NRXN3: variants seen among roughly 807,000 people sequenced by gnomAD.
NRXN3 encodes the protein neurexin 3.
NRXN3 carries 32 observed loss-of-function variants against 137.6 expected under a neutral mutation model. The ratio of observed to expected loss-of-function variants is 0.23; its 90% CI spans 0.18 to 0.31. The LOEUF (loss-of-function observed/expected upper bound fraction) is 0.31. Ranked by LOEUF, NRXN3 falls within the 10% of genes least tolerant of loss-of-function variation. The probability of loss-of-function intolerance (pLI) is 1.00; values close to 1 mark genes in which losing one functional copy is unlikely to be tolerated. For missense variants in NRXN3, 1,574 were observed against 2,062.5 expected (o/e 0.76, Z 4.59); for synonymous variants, 798 against 784.5 (o/e 1.02, Z -0.29).
intron 6 of NRXN3, among the ~76,000 whole-genome samples, chr14:78,655,038 C>T (rs2097774282): frequency 6.6e-6 from 1 of 152,080 alleles, no homozygotes; most frequent in African/African-American, 2.4e-5. Context: ...ATTGGAAGTT[C>T]CTCTATGAAA....
At chr14:79,384,166 C>T (rs916600750) in intron 15 of NRXN3, among the ~76,000 whole-genome samples, 11 of 152,090 alleles carry the variant, frequency 7.2e-5, no homozygotes, top group East Asian at 5.8e-4. Context: ...TTTTATAAAG[C>T]GGTAGTTGAA....
At chr14:79,412,477 G>A (rs942980691) in intron 15 of NRXN3, among the ~76,000 whole-genome samples, 6 of 151,840 alleles carry the variant, frequency 4.0e-5, no homozygotes, top group Non-Finnish European at 8.8e-5. Flanking sequence ...GAGAGTGCAA[G>A]TGAATTAAAA....
intron 15 of NRXN3, among the ~76,000 whole-genome samples, chr14:79,157,894 A>C (rs1010976794): frequency 5.3e-5 from 8 of 151,790 alleles, no homozygotes; most frequent in African/African-American, 1.9e-4. Context: ...GGGACTAGTA[A>C]GTACCACTTT....
intron 16 of NRXN3, among the ~76,000 whole-genome samples, chr14:79,659,608 G>T (rs1285463475): frequency 6.6e-6 from 1 of 152,164 alleles, no homozygotes; most frequent in African/African-American, 2.4e-5. Flanking sequence ...AAGGGAGAAA[G>T]AAGACTGACA....
chr14:78,302,251 G>A (rs1307520563), intron 4 of NRXN3, among the ~76,000 whole-genome samples: 1 of 151,978 alleles, frequency 6.6e-6, no homozygotes, highest in African/African-American at 2.4e-5. Flanking sequence ...GATTTTGCAC[G>A]TGAGTATCTT....
chr14:79,597,599 A>G (rs1333651513), intron 16 of NRXN3, among the ~76,000 whole-genome samples: 2 of 152,200 alleles, frequency 1.3e-5, no homozygotes, highest in East Asian at 1.9e-4. Context: ...TGTTGTTACC[A>G]TACGCAAACT....
At position 78,973,301 on chromosome 14, in the gene NRXN3, A is replaced by T. The variant is rs577437283; in HGVS notation, c.3142+4955A>T. Among the ~76,000 whole-genome samples the T allele has an allele frequency of 3.3e-5, 5 of 152,248 alleles. No homozygotes were observed. In the East Asian group the frequency reaches 7.7e-4, roughly 23 times the overall value. ...ACATAGAAAAAAGAACTTGGAAGGA[A>T]AAAAAAGGCCAAGGCCAGCCCTTAT... On this transcript the variant is annotated intron_variant, in intron 14 of 20. Transcript: ENST00000335750.
chr14:79,728,598 G>T (rs1244916147), intron 19 of NRXN3, among the ~76,000 whole-genome samples: 1 of 152,182 alleles, frequency 6.6e-6, no homozygotes, highest in Non-Finnish European at 1.5e-5. Flanking sequence ...CCAGAACATT[G>T]GTTCTCAGTG....
intron 16 of NRXN3, among the ~76,000 whole-genome samples, chr14:79,616,716 C>T (rs567062657): frequency 5.6e-4 from 85 of 152,218 alleles, no homozygotes; most frequent in Non-Finnish European, 9.4e-4. Flanking sequence ...TGAGAAATGT[C>T]TGTAAAGTGT....
chr14:79,402,085 T>C (rs1405726590), intron 15 of NRXN3, among the ~76,000 whole-genome samples: 1 of 151,960 alleles, frequency 6.6e-6, no homozygotes, highest in East Asian at 1.9e-4. Context: ...CCTGGCTATT[T>C]TAATTTTTTA....
rs963663563 is a variant in NRXN3, at chr14:79,772,874, C to T, written c.4015-32238C>T. On this transcript the variant is annotated intron_variant, in intron 19 of 20. Transcript: ENST00000335750. ...AATGGGAGAAAATTTTCACAACCTACTTATCTGACAAAGGGCTAATATCCA... is the reference window on the plus strand; with the variant it reads ...AATGGGAGAAAATTTTCACAACCTATTTATCTGACAAAGGGCTAATATCCA... Among the ~76,000 whole-genome samples the T allele has an allele frequency of 3.2e-4, 49 of 152,250 alleles. 1 individual carries two copies. The highest frequency in any genetic ancestry group is 1.6e-3 in the Admixed American group (24 of 15,294).
intron 4 of NRXN3, among the ~76,000 whole-genome samples, chr14:78,312,643 C>CT (rs2078108965): frequency 6.6e-6 from 1 of 150,590 alleles, no homozygotes; most frequent in African/African-American, 2.5e-5. Flanking sequence ...TCTGGGTTTT[C>CT]TTTTTAAAAA....
intron 20 of NRXN3, among the ~76,000 whole-genome samples, chr14:79,844,857 C>T (rs2099363800): frequency 6.6e-6 from 1 of 152,170 alleles, no homozygotes; most frequent in Admixed American, 6.5e-5. Context: ...GCACTGACTC[C>T]TCTTCTCTAG....
intron 15 of NRXN3, among the ~76,000 whole-genome samples, chr14:79,181,681 CAAA>C (rs10658164): frequency 9.2e-5 from 9 of 97,496 alleles, no homozygotes; most frequent in Admixed American, 1.2e-4. Flanking sequence ...GACCCTGTCT[CAAA>C]AAAAAAAAAA....
Position 78,262,704 on chromosome 14 carries a change from C to G in NRXN3, c.710-15941C>G, listed in dbSNP as rs2070963779. 5.3e-5 allele frequency among the ~76,000 whole-genome samples: 8 copies of G among 152,258 alleles called. No individual in the cohort carries two copies. The South Asian group carries it at 1.7e-3, about 32-fold the overall frequency. On this transcript the variant is annotated intron_variant, in intron 2 of 20. Transcript: ENST00000335750. ...GGGTTGTTGTCTTGATAGATCTCTG[C>G]TCTTCAGCTGTTGTTGCCAGGGACA...
chr14:79,117,021 A>G lies in NRXN3; in HGVS notation c.3262+128880A>G, dbSNP rs191574584. On this transcript the variant is annotated intron_variant, in intron 15 of 20. Transcript: ENST00000335750. ...GGTAATAATTGACATACCTTTATCT[A>G]CTAGGAGATTCTGATTTTAATTCAT... 2.0e-5 allele frequency among the ~76,000 whole-genome samples: 3 copies of G among 152,332 alleles called. No homozygotes were observed. In the East Asian group the frequency reaches 5.8e-4, roughly 29 times the overall value.
At position 78,878,741 on chromosome 14, in the gene NRXN3, A is replaced by T. The variant is rs187355430; in HGVS notation, c.2275+68397A>T. Among the ~76,000 whole-genome samples the T allele has an allele frequency of 5.8e-4, 88 of 152,286 alleles. 1 individual carries two copies. The East Asian group carries it at 0.015, about 26-fold the overall frequency. On this transcript the variant is annotated intron_variant, in intron 10 of 20. Transcript: ENST00000335750. ...CTCTCTCTTTGCAATTTTCAAGTAT[A>T]AAATACATTGTTATTAACTGTAGTC...
At chr14:79,052,194 C>T (rs934059889) in intron 15 of NRXN3, among the ~76,000 whole-genome samples, 4 of 152,090 alleles carry the variant, frequency 2.6e-5, no homozygotes, top group Non-Finnish European at 5.9e-5. Flanking sequence ...TAAGACGTTT[C>T]GAAGAGCTTG....
intron 4 of NRXN3, among the ~76,000 whole-genome samples, chr14:78,584,792 C>T (rs543389831): frequency 2.6e-5 from 4 of 152,302 alleles, no homozygotes; most frequent in East Asian, 1.9e-4. Flanking sequence ...CGTGTTCTAG[C>T]GTCAAATCAT....
Sources: allele counts gnomAD v4.1 joint callset (sites outside exome capture counted in the v4.1 genomes callset), GRCh38; gene constraint gnomAD v4.1.1; transcripts MANE v1.5; gene names NCBI Gene and HGNC (gene_info 2026-07-23, HGNC 2026-07-21).